The following CFAP36 variants were observed in gnomAD, a reference collection of about 807,000 sequenced individuals.
The protein encoded by CFAP36 is cilia- and flagella-associated protein 36.
A neutral mutation model predicts 50.5 loss-of-function variants in CFAP36; 37 were observed. That is an observed-to-expected ratio of 0.73 (90% CI 0.56 to 0.96). CFAP36 has a LOEUF of 0.96. CFAP36 is among the 50% of genes least tolerant of loss of function. The pLI, the probability that CFAP36 is intolerant of heterozygous loss-of-function variation, is 0.00. For missense variants in CFAP36, 407 were observed against 396.2 expected (o/e 1.03, Z -0.23); for synonymous variants, 138 against 128.2 (o/e 1.08, Z -0.52).
intron 3 of CFAP36, among the ~76,000 whole-genome samples, chr2:55,525,278 C>A (rs1684176559): frequency 6.6e-6 from 1 of 151,940 alleles, no homozygotes; most frequent in Non-Finnish European, 1.5e-5. Flanking sequence ...ATAGTGAGAC[C>A]CCATCTTTAA....
At chr2:55,537,336 A>C (rs1434017359) in intron 6 of CFAP36, 147 bp from the exon 7 acceptor site, 2 of 537,644 alleles carry the variant, frequency 3.7e-6, no homozygotes, top group East Asian at 6.5e-5. Context: ...ACACTACTGC[A>C]CTCCAGTCTG....
chr2:55,538,854 T>C (rs1259569587), intron 7 of CFAP36: 36 of 1,523,624 alleles, frequency 2.4e-5, no homozygotes, highest in South Asian at 3.8e-5. Context: ...ACACTAAATA[T>C]ATTCTTCTAA....
intron 4 of CFAP36, among the ~76,000 whole-genome samples, chr2:55,531,714 C>A (rs1392041103): frequency 6.6e-6 from 1 of 152,186 alleles, no homozygotes; most frequent in Admixed American, 6.5e-5. Flanking sequence ...TTCATGGAAA[C>A]CCTCCAGTTT....
chr2:55,519,753 G>A lies in CFAP36; in HGVS notation c.-49G>A. On this transcript the variant is annotated 5_prime_UTR_variant, in exon 1 of 10. Coordinates refer to ENST00000349456, the MANE Select transcript of CFAP36 (RefSeq NM_080667.7). Reference sequence around the variant, plus strand: ...CTTGTGGCCCAAAGGCCTAACCGGGGTCCGGCGGTCTGGCCTAGGGATCTT... The same window carrying A: ...CTTGTGGCCCAAAGGCCTAACCGGGATCCGGCGGTCTGGCCTAGGGATCTT... 1 of 1,595,500 alleles carries A rather than the reference G, an allele frequency of 6.3e-7. No homozygotes were observed. The highest frequency in any genetic ancestry group is 8.6e-7 in the Non-Finnish European group (1 of 1,163,622).
intron 3 of CFAP36, 29 bp downstream of exon 3, chr2:55,523,851 T>TA: frequency 2.1e-6 from 3 of 1,443,460 alleles, no homozygotes; most frequent in Non-Finnish European, 2.9e-6. Context: ...TCTGCTAACA[T>TA]ACAGTTTTAA....
At chr2:55,537,434 G>A (rs1684516738) in intron 6 of CFAP36, 49 bp from the exon 7 acceptor site, 3 of 1,253,988 alleles carry the variant, frequency 2.4e-6, no homozygotes, top group Non-Finnish European at 3.4e-6. Flanking sequence ...TAGTTAAAAT[G>A]AATCTAAATT....
intron 7 of CFAP36, among the ~76,000 whole-genome samples, chr2:55,541,217 G>A (rs933649891): frequency 2.0e-5 from 3 of 152,056 alleles, no homozygotes; most frequent in Non-Finnish European, 2.9e-5. Flanking sequence ...CTAGCTACTC[G>A]GGAGGCTGAG....
At chr2:55,521,000 T>C (rs1684047999) in intron 1 of CFAP36, among the ~76,000 whole-genome samples, 1 of 152,216 alleles carries the variant, frequency 6.6e-6, no homozygotes. Flanking sequence ...AAATGGTCGG[T>C]TATCCTGGAT....
chr2:55,537,890 A>T (rs981915982), intron 7 of CFAP36, among the ~76,000 whole-genome samples: 11 of 152,224 alleles, frequency 7.2e-5, no homozygotes, highest in African/African-American at 2.4e-4. Flanking sequence ...TTCACATAAC[A>T]TTTGGTATTC....
chr2:55,529,652 T>TG (rs1684303355), intron 4 of CFAP36, among the ~76,000 whole-genome samples: 1 of 149,808 alleles, frequency 6.7e-6, no homozygotes, highest in Admixed American at 6.6e-5. Context: ...TGGTTCTTTT[T>TG]TTTTTTTTTT....
In CFAP36 at chr2:55,534,639, T is replaced by G. The variant is rs543464553; in HGVS notation, c.485+679T>G. ...AGTAGTAGCTCCTAATTTTTAAATC[T>G]CCTGTGAGAATATATTAGATTTAGG... is the stretch of plus-strand genomic sequence containing the variant. On this transcript the variant is annotated intron_variant, in intron 5 of 9. Coordinates refer to ENST00000349456, the MANE Select transcript of CFAP36 (RefSeq NM_080667.7). 3.5e-4 allele frequency among the ~76,000 whole-genome samples: 53 copies of G among 152,342 alleles called. No homozygotes were observed. The South Asian group carries it at 0.011, about 30-fold the overall frequency.
At chr2:55,533,824 G>A in intron 4 of CFAP36, 49 bp from the exon 5 acceptor site, 1 of 1,136,044 alleles carries the variant, frequency 8.8e-7, no homozygotes, top group Non-Finnish European at 1.3e-6. Flanking sequence ...AGAAATATAT[G>A]TTTTTAATGG....
intron 3 of CFAP36, among the ~76,000 whole-genome samples, chr2:55,527,473 TCAGGAGGCTGAGG>T (rs1160082393): frequency 1.3e-5 from 2 of 152,082 alleles, no homozygotes; most frequent in African/African-American, 4.8e-5. Context: ...TCCCAGCTAC[TCAGGAGGCTGAGG>T]CAAGAGAATC....
At chr2:55,531,933 A>C (rs941224201) in intron 4 of CFAP36, among the ~76,000 whole-genome samples, 2 of 152,230 alleles carry the variant, frequency 1.3e-5, no homozygotes, top group African/African-American at 2.4e-5. Context: ...AATGATGTAG[A>C]ATAATGACTA....
chr2:55,524,817 A>C (rs1684161718), intron 3 of CFAP36, among the ~76,000 whole-genome samples: 1 of 151,964 alleles, frequency 6.6e-6, no homozygotes, highest in Non-Finnish European at 1.5e-5. Flanking sequence ...CCCCGTCTCT[A>C]CTAAACATAC....
At position 55,523,747 on chromosome 2, in the gene CFAP36, C is replaced by A; in HGVS notation, c.207C>A (p.Leu69=). The A allele has an allele frequency of 6.2e-7, 1 of 1,607,204 alleles. No homozygotes were observed. Among genetic ancestry groups the A allele is most frequent in the South Asian group, 1.1e-5 (1 of 89,620 alleles). ...TTGAAAAGCTGTTAGAAGGTTACCT[C>A]AAAGAAATTGGAATTAATGAAGATC... ...ELVEKLLEGY[L]KEIGINEDQF... Residue 69 remains leucine, a synonymous_variant, in exon 3 of 10, where the codon CTC becomes CTA. Transcript: ENST00000349456.
intron 3 of CFAP36, among the ~76,000 whole-genome samples, 188 bp from the exon 4 acceptor site, chr2:55,528,690 C>G (rs745959894): frequency 1.6e-4 from 25 of 152,104 alleles, no homozygotes; most frequent in Non-Finnish European, 3.2e-4. Context: ...GCCACCGTGC[C>G]CGGCTGAGAA....
intron 1 of CFAP36, chr2:55,520,598 G>A (rs1684036994): frequency 1.5e-6 from 1 of 663,114 alleles, no homozygotes; most frequent in Non-Finnish European, 2.3e-6. Flanking sequence ...GCATCTCCGG[G>A]TTCTGAGCAG....
chr2:55,520,266 G>C, intron 1 of CFAP36: 5 of 747,762 alleles, frequency 6.7e-6, no homozygotes, highest in African/African-American at 1.8e-5. Flanking sequence ...CAGGTGGACT[G>C]TTTGGCTGGG....
Sources: gnomAD v4.1 joint callset for allele counts (sites outside exome capture counted in the v4.1 genomes callset) on GRCh38, gnomAD v4.1.1 for gene constraint, MANE v1.5 for transcripts, NCBI Gene and HGNC (gene_info 2026-07-23, HGNC 2026-07-21) for gene names.